Variants in ITGAL observed in about 807,000 individuals in gnomAD.
The protein encoded by ITGAL is integrin subunit alpha L, also known as integrin alpha-L.
A neutral mutation model predicts 138.4 loss-of-function variants in ITGAL; 68 were observed. That is an observed-to-expected ratio of 0.49 (90% CI 0.40 to 0.60). The LOEUF is 0.60. ITGAL is among the 20% of genes least tolerant of loss of function. ITGAL has a pLI of 0.00. For missense variants in ITGAL, 1,256 were observed against 1,478.6 expected, an observed-to-expected ratio of 0.85 and a Z score of 2.47; for synonymous variants, 561 against 584.3, an observed-to-expected ratio of 0.96 and a Z score of 0.57.
At chr16:30,481,388 CA>C in intron 6 of ITGAL, 50 bp from the exon 7 acceptor site, 1 of 939,794 alleles carries the variant, frequency 1.1e-6, no homozygotes, top group Non-Finnish European at 1.6e-6. Flanking sequence ...TTGGAACAGA[CA>C]AATGGAAAGG....
chr16:30,499,413 G>A lies in ITGAL; in HGVS notation c.2069G>A (p.Gly690Glu), dbSNP rs1300653728. 6.2e-7 allele frequency: 1 copy of A among 1,614,070 alleles called. No individual in the cohort carries two copies. The highest frequency in any genetic ancestry group is 1.1e-5 in the South Asian group (1 of 91,082). Residue 690 changes from glycine (G) to glutamate (E), a missense_variant, in exon 17 of 31, where the codon GGA (glycine) becomes GAA (glutamate). By Grantham distance (98) the Gly-to-Glu change is moderately conservative. Coordinates refer to ENST00000356798, the MANE Select transcript of ITGAL (RefSeq NM_002209.3). ...HRTRRRGLFP[G>E]GRHELRRNIA... Reference sequence around the variant, plus strand: ...ACCAGAAGACGGGGGTTGTTCCCAGGAGGGAGACATGAACTCAGAAGGAAT... The same window carrying A: ...ACCAGAAGACGGGGGTTGTTCCCAGAAGGGAGACATGAACTCAGAAGGAAT...
At chr16:30,514,014 G>A (rs1246939227) in intron 25 of ITGAL, among the ~76,000 whole-genome samples, 168 bp downstream of exon 25, 1 of 152,188 alleles carries the variant, frequency 6.6e-6, no homozygotes, top group Non-Finnish European at 1.5e-5. Context: ...TCCAGCAGCA[G>A]CATATGCTAA....
At chr16:30,478,365 A>T (rs1421125331) in intron 4 of ITGAL, among the ~76,000 whole-genome samples, 1 of 143,478 alleles carries the variant, frequency 7.0e-6, no homozygotes, top group Non-Finnish European at 1.5e-5. Context: ...AAAGAAAGAA[A>T]GTGGGGGGCG....
intron 25 of ITGAL, among the ~76,000 whole-genome samples, chr16:30,514,527 G>A (rs947641695): frequency 6.0e-5 from 1 of 16,656 alleles, no homozygotes; most frequent in Non-Finnish European, 1.8e-4. Context: ...TTCCCCCCTC[G>A]TGGCCTCTCA....
intron 17 of ITGAL, among the ~76,000 whole-genome samples, chr16:30,502,140 C>G (rs914658000): frequency 9.2e-5 from 14 of 152,158 alleles, no homozygotes; most frequent in African/African-American, 1.4e-4. Context: ...GCTCACGCCT[C>G]TAATCCCAGC....
intron 4 of ITGAL, among the ~76,000 whole-genome samples, chr16:30,477,890 G>C (rs2050493974): frequency 6.7e-6 from 1 of 149,808 alleles, no homozygotes; most frequent in Admixed American, 6.7e-5. Context: ...TGAAAAGAAA[G>C]AAAGCAAGGA....
At chr16:30,500,966 T>C (rs1260625000) in intron 17 of ITGAL, among the ~76,000 whole-genome samples, 6 of 151,592 alleles carry the variant, frequency 4.0e-5, no homozygotes, top group Non-Finnish European at 8.8e-5. Context: ...ATCGTGCCAT[T>C]GCACTCCAGC....
At position 30,494,475 on chromosome 16, in the gene ITGAL, A is replaced by C. The variant is rs1264213277; in HGVS notation, c.1365+112A>C. ...TACCATGTGGCAGCCCCTGTGCTAAACATGATCACATTTATCCCTCATAAC... is the reference window on the plus strand; with the variant it reads ...TACCATGTGGCAGCCCCTGTGCTAACCATGATCACATTTATCCCTCATAAC... On this transcript the variant is annotated intron_variant, in intron 12 of 30. Coordinates refer to ENST00000356798, the MANE Select transcript of ITGAL (RefSeq NM_002209.3). The surrounding 1 kb of genome is among the most constrained non-coding windows in gnomAD (Gnocchi z 4.2). 1 of 1,221,872 alleles carries C rather than the reference A, an allele frequency of 8.2e-7. No individual in the cohort carries two copies. Among genetic ancestry groups the C allele is most frequent in the Non-Finnish European group, 1.1e-6 (1 of 887,728 alleles). The allele number at this position is 1,221,872 out of a possible 1,614,324, so 75.7% of individuals were successfully genotyped here. A position where few individuals can be genotyped will look rare whatever the true frequency, so the allele number is the denominator to read the frequency against.
chr16:30,500,131 G>C (rs928884516), intron 17 of ITGAL, among the ~76,000 whole-genome samples: 3 of 149,832 alleles, frequency 2.0e-5, no homozygotes, highest in African/African-American at 7.4e-5. Context: ...TATCACCCAG[G>C]CTGGAGTGCA....
intron 7 of ITGAL, 68 bp from the exon 8 acceptor site, chr16:30,483,759 C>T: frequency 2.0e-6 from 3 of 1,501,434 alleles, no homozygotes; most frequent in Non-Finnish European, 2.7e-6. Context: ...ACTTGATGAG[C>T]AGGTGGGGAA....
At chr16:30,521,264 G>A (rs977154905) in intron 30 of ITGAL, among the ~76,000 whole-genome samples, 29 of 151,824 alleles carry the variant, frequency 1.9e-4, no homozygotes, top group East Asian at 1.9e-4. Context: ...AAAATTAGCC[G>A]GGCGTGGTGG....
At chr16:30,487,176 A>G (rs2050660047) in intron 9 of ITGAL, among the ~76,000 whole-genome samples, 3 of 149,896 alleles carry the variant, frequency 2.0e-5, no homozygotes, top group Admixed American at 6.7e-5. Context: ...AGTTTCTACT[A>G]TATTGCCTAA....
At chr16:30,486,774 G>A (rs1322941525) in intron 9 of ITGAL, among the ~76,000 whole-genome samples, 9 of 152,186 alleles carry the variant, frequency 5.9e-5, no homozygotes, top group South Asian at 2.1e-4. Context: ...TGTGAAGATC[G>A]ATGAGAAATC....
Position 30,506,751 on chromosome 16 carries a change from C to G in ITGAL, c.2403C>G (p.Leu801=), listed in dbSNP as rs749779145. The G allele has an allele frequency of 1.5e-5, 25 of 1,613,854 alleles. No homozygotes were observed. In the East Asian group the frequency reaches 5.6e-4, roughly 36 times the overall value. Residue 801 remains leucine, a synonymous_variant, in exon 21 of 31, where the codon CTC becomes CTG. Coordinates refer to ENST00000356798, the MANE Select transcript of ITGAL (RefSeq NM_002209.3). The part of the protein sequence containing the change: ...RALRLTAFAS[L]SVELSLSNLE... Reference sequence around the variant, plus strand: ...TGCGTCTAACTGCTTTTGCCAGCCTCTCTGTGGAGCTGAGCCTGAGTAACT... The same window carrying G: ...TGCGTCTAACTGCTTTTGCCAGCCTGTCTGTGGAGCTGAGCCTGAGTAACT...
At chr16:30,510,772 C>A in intron 22 of ITGAL, 109 bp from the exon 23 acceptor site, 1 of 874,016 alleles carries the variant, frequency 1.1e-6, no homozygotes, top group South Asian at 1.4e-5. Flanking sequence ...GCTTGGGGTG[C>A]AGTGAGCACT....
chr16:30,496,144 A>G lies in ITGAL; in HGVS notation c.1551A>G (p.Pro517=), dbSNP rs2050795378. Residue 517 remains proline (P), a synonymous_variant, in exon 14 of 31, where the codon CCA becomes CCG. Transcript: ENST00000356798. The part of the protein sequence containing the change: ...VSELQGDPGY[P]LGRFGEAITA... The stretch of plus-strand genomic sequence containing the variant: ...AGCTGCAGGGGGACCCCGGCTACCC[A>G]CTCGGGCGGTTTGGAGAAGCCATCA... 1 of 1,613,826 alleles carries G rather than the reference A, an allele frequency of 6.2e-7. No homozygotes were observed. Among genetic ancestry groups the G allele is most frequent in the South Asian group, 1.1e-5 (1 of 91,080 alleles).
chr16:30,473,939 A>C, intron 1 of ITGAL: 1 of 615,882 alleles, frequency 1.6e-6, no homozygotes, highest in South Asian at 1.5e-5. Context: ...TGGAGCCTCT[A>C]ACTTCTCATC....
intron 11 of ITGAL, among the ~76,000 whole-genome samples, chr16:30,490,934 C>T (rs1431912362): frequency 6.7e-6 from 1 of 149,318 alleles, no homozygotes; most frequent in Non-Finnish European, 1.5e-5. Flanking sequence ...TGCACTACTG[C>T]ACTCCAGCCT....
chr16:30,496,389 C>A, intron 14 of ITGAL, 47 bp from the exon 15 acceptor site: 1 of 1,613,740 alleles, frequency 6.2e-7, no homozygotes, highest in Non-Finnish European at 8.5e-7. Context: ...TCCCTCCCTC[C>A]AACCTACCTC....
Sources: allele counts gnomAD v4.1 joint callset (sites outside exome capture counted in the v4.1 genomes callset), GRCh38; gene constraint gnomAD v4.1.1; non-coding constraint Gnocchi (gnomAD v3.1); transcripts MANE v1.5; gene names NCBI Gene and HGNC (gene_info 2026-07-23, HGNC 2026-07-21).